ABR: variants seen among roughly 807,000 people sequenced by gnomAD.
ABR encodes the protein active breakpoint cluster region-related protein.
ABR carries 35 observed loss-of-function variants against 107.2 expected under a neutral mutation model. The ratio of observed to expected loss-of-function variants is 0.33; its 90% CI spans 0.25 to 0.43. The LOEUF is 0.43. ABR is among the 20% of genes least tolerant of loss of function. The pLI is 1.00. For synonymous variants in ABR, 498 were observed against 462.0 expected (o/e 1.08, Z -1.00); for missense variants, 815 against 1,115.2 (o/e 0.73, Z 3.83).
intron 16 of ABR, among the ~76,000 whole-genome samples, chr17:1,041,791 G>A (rs2030551282): frequency 6.6e-6 from 1 of 152,112 alleles, no homozygotes; most frequent in Admixed American, 6.6e-5. Context: ...GAAGTCAAGG[G>A]ACCAGAGGTT....
intron 4 of ABR, 188 bp from the exon 5 acceptor site, chr17:1,083,815 T>C (rs1386869660): frequency 1.7e-6 from 1 of 576,946 alleles, no homozygotes; most frequent in African/African-American, 1.9e-5. Context: ...ACAGTTTCCA[T>C]GGAAACCAGC....
intron 6 of ABR, among the ~76,000 whole-genome samples, chr17:1,074,727 A>G (rs2035560702): frequency 6.6e-6 from 1 of 152,264 alleles, no homozygotes; most frequent in Non-Finnish European, 1.5e-5. Flanking sequence ...TGATCTCCAC[A>G]GAAAGGCTCT....
chr17:1,205,574 G>T (rs1182458693), intron 1 of ABR, among the ~76,000 whole-genome samples: 6 of 152,188 alleles, frequency 3.9e-5, no homozygotes, highest in Non-Finnish European at 5.9e-5. Flanking sequence ...ACTTTGGGAG[G>T]CCAAGGCAGG....
chr17:1,166,893 T>C (rs1316432198), intron 1 of ABR, among the ~76,000 whole-genome samples: 1 of 152,034 alleles, frequency 6.6e-6, no homozygotes, highest in African/African-American at 2.4e-5. Flanking sequence ...TCCCAGCTAC[T>C]TGGGAGGCTG....
intron 1 of ABR, among the ~76,000 whole-genome samples, chr17:1,144,265 T>G (rs1567821132): frequency 6.6e-6 from 1 of 152,052 alleles, no homozygotes; most frequent in Non-Finnish European, 1.5e-5. Flanking sequence ...TGACGGCATG[T>G]GTACGCAAGC....
At chr17:1,089,313 C>A (rs1327083310) in intron 4 of ABR, among the ~76,000 whole-genome samples, 2 of 152,180 alleles carry the variant, frequency 1.3e-5, no homozygotes, top group African/African-American at 2.4e-5. Flanking sequence ...GGATTACAGG[C>A]GTCAGCCACC....
intron 1 of ABR, among the ~76,000 whole-genome samples, chr17:1,185,904 C>T (rs1391591871): frequency 6.6e-6 from 1 of 151,664 alleles, no homozygotes; most frequent in African/African-American, 2.4e-5. Flanking sequence ...GGCAGGATCT[C>T]GGCTCACTGC....
rs114183996 is a variant in ABR, at chr17:1,027,812, G to A, written c.1792-14648C>T. On this transcript the variant is annotated intron_variant, in intron 16 of 22. Coordinates refer to ENST00000302538, the MANE Select transcript of ABR (RefSeq NM_021962.5). The surrounding 1 kb of genome is among the most constrained non-coding windows in gnomAD (Gnocchi z 4.7). ...TTCCCACCGGGAAACAAGGAAGGGC[G>A]GTGGGCAGCCGGGCCAGGCCAGACT... Among the ~76,000 whole-genome samples, 1,863 of 152,126 alleles carry A rather than the reference G, an allele frequency of 0.012. 40 individuals are homozygous for A. Among genetic ancestry groups the A allele is most frequent in the African/African-American group, 0.043 (1,767 of 41,490 alleles).
intron 16 of ABR, among the ~76,000 whole-genome samples, chr17:1,038,305 GTC>G (rs2073350803): frequency 6.6e-6 from 1 of 152,248 alleles, no homozygotes; most frequent in Admixed American, 6.5e-5. Flanking sequence ...GGACGTGGGG[GTC>G]TGAGAGATTA....
chr17:1,160,122 G>A (rs920668051), intron 1 of ABR, among the ~76,000 whole-genome samples: 1 of 152,080 alleles, frequency 6.6e-6, no homozygotes, highest in African/African-American at 2.4e-5. Flanking sequence ...GAGCCCTGGG[G>A]TCTAGGGCCG....
At chr17:1,091,563 A>G (rs1348241397) in intron 4 of ABR, 102 bp downstream of exon 4, 2 of 1,341,498 alleles carry the variant, frequency 1.5e-6, no homozygotes, top group Non-Finnish European at 2.0e-6. Flanking sequence ...TCAGGCCTTC[A>G]AGGAGTCCGA....
chr17:1,031,310 G>A (rs1356936900), intron 16 of ABR, among the ~76,000 whole-genome samples: 1 of 152,158 alleles, frequency 6.6e-6, no homozygotes, highest in Non-Finnish European at 1.5e-5. Flanking sequence ...CCCGTGCGCT[G>A]TTTGCACTCC....
intron 16 of ABR, 72 bp from the exon 17 acceptor site, chr17:1,013,236 C>T (rs2070791525): frequency 3.5e-6 from 5 of 1,430,464 alleles, no homozygotes; most frequent in Non-Finnish European, 4.9e-6. Flanking sequence ...CGTGGGTCAG[C>T]ACTGCTCAGA....
intron 16 of ABR, among the ~76,000 whole-genome samples, chr17:1,017,669 T>C (rs1333480313): frequency 6.6e-6 from 1 of 151,840 alleles, no homozygotes; most frequent in Non-Finnish European, 1.5e-5. Flanking sequence ...GGTTTCACCA[T>C]GTTGGCCAGG....
At chr17:1,101,712 G>A (rs2028629) in intron 2 of ABR, among the ~76,000 whole-genome samples, 87,086 of 151,822 alleles carry the variant, frequency 0.57, 25,200 homozygotes, top group African/African-American at 0.63. Flanking sequence ...TTAGACTCTA[G>A]TGGGAAAGAC....
At chr17:1,153,126 C>T (rs550227044) in intron 1 of ABR, among the ~76,000 whole-genome samples, 3 of 152,336 alleles carry the variant, frequency 2.0e-5, no homozygotes, top group Non-Finnish European at 4.4e-5. Context: ...GATCCAGAGC[C>T]GCCCTCTGTT....
At chr17:1,108,999 C>T (rs2038465264) in intron 2 of ABR, 10 of 1,598,776 alleles carry the variant, frequency 6.3e-6, no homozygotes, top group South Asian at 1.1e-5. Context: ...TCGCACTCCT[C>T]CAGGAGAAAC....
chr17:1,058,313 T>C (rs2033575360), intron 11 of ABR, among the ~76,000 whole-genome samples: 1 of 152,084 alleles, frequency 6.6e-6, no homozygotes, highest in Non-Finnish European at 1.5e-5. Flanking sequence ...CTAATTTTTG[T>C]GTTTTTAGTA....
rs371587357 is a variant in ABR, at chr17:1,031,744, C to CGGG, written c.1791+18303_1791+18305dup. 3,408 of 1,236,004 alleles carry CGGG rather than the reference C, an allele frequency of 2.8e-3. 12 individuals are homozygous for CGGG. Among genetic ancestry groups the CGGG allele is most frequent in the Middle Eastern group, 6.1e-3 (20 of 3,256 alleles). The allele number at this position is 1,236,004 out of a possible 1,614,324, so 76.6% of individuals were successfully genotyped here. A position where few individuals can be genotyped will look rare whatever the true frequency, so the allele number is the denominator to read the frequency against. ...GGCTGGGGCAGGACGTCGGTCATGC[C>CGGG]GGGGGGGACGGGACGCGGCGCTGGA... On this transcript the variant is annotated intron_variant, in intron 16 of 22. Transcript: ENST00000302538.
Sources: gnomAD v4.1 joint callset for allele counts (sites outside exome capture counted in the v4.1 genomes callset) on GRCh38, gnomAD v4.1.1 for gene constraint, Gnocchi (gnomAD v3.1) non-coding constraint, MANE v1.5 for transcripts, NCBI Gene and HGNC (gene_info 2026-07-23, HGNC 2026-07-21) for gene names.